The following IGF1R variants were observed in gnomAD, a reference collection of about 807,000 sequenced individuals.
The protein encoded by IGF1R is insulin-like growth factor 1 receptor.
In IGF1R, 44 loss-of-function variants were observed where a neutral mutation model predicts 144.6. The observed-to-expected ratio is 0.30, with a 90% CI of 0.24 to 0.39. IGF1R has a LOEUF of 0.39. IGF1R is among the 10% of genes least tolerant of loss of function. The probability of loss-of-function intolerance (pLI) is 1.00; values close to 1 mark genes in which losing one functional copy is unlikely to be tolerated. For synonymous variants in IGF1R, 795 were observed against 722.8 expected (o/e 1.10, Z -1.60); for missense variants, 1,355 against 1,833.7 (o/e 0.74, Z 4.77).
intron 2 of IGF1R, among the ~76,000 whole-genome samples, chr15:98,723,127 G>A (rs1010788395): frequency 4.6e-5 from 7 of 151,542 alleles, no homozygotes; most frequent in African/African-American, 9.7e-5. Flanking sequence ...AACGTCTCAC[G>A]CTAGAATGAG....
chr15:98,857,226 A>T (rs756975212), intron 2 of IGF1R, among the ~76,000 whole-genome samples: 4 of 151,962 alleles, frequency 2.6e-5, no homozygotes, highest in Admixed American at 6.6e-5. Flanking sequence ...TTATTTATTT[A>T]TTTTTTAATT....
At chr15:98,695,648 A>C (rs886212108) in intron 1 of IGF1R, among the ~76,000 whole-genome samples, 1 of 152,148 alleles carries the variant, frequency 6.6e-6, no homozygotes, top group African/African-American at 2.4e-5. Context: ...GGCTTACACA[A>C]TCTCAGAAAT....
At chr15:98,908,923 C>T (rs541467281) in intron 6 of IGF1R, 24 bp downstream of exon 6, 19 of 1,596,474 alleles carry the variant, frequency 1.2e-5, no homozygotes, top group Middle Eastern at 1.7e-4. Context: ...TCCAAAACAC[C>T]GTGGGCCCAA....
intron 1 of IGF1R, among the ~76,000 whole-genome samples, chr15:98,652,811 T>C (rs148982544): frequency 0.014 from 2,138 of 152,244 alleles, 40 homozygotes; most frequent in African/African-American, 0.049. Context: ...TTTGGGGTGA[T>C]GAAAATTGTT....
intron 2 of IGF1R, among the ~76,000 whole-genome samples, chr15:98,817,319 TAATAA>T (rs1280369970): frequency 7.0e-6 from 1 of 143,092 alleles, no homozygotes; most frequent in African/African-American, 2.9e-5. Flanking sequence ...ATAATAATAA[TAATAA>T]TAATAATAAT....
chr15:98,921,110 A>C (rs1039533808), intron 10 of IGF1R, among the ~76,000 whole-genome samples: 3 of 152,070 alleles, frequency 2.0e-5, no homozygotes, highest in Non-Finnish European at 4.4e-5. Context: ...CCTTTTGCCT[A>C]TTCCTAAGAC....
intron 2 of IGF1R, among the ~76,000 whole-genome samples, chr15:98,719,564 A>G (rs2054199387): frequency 6.6e-6 from 1 of 152,234 alleles, no homozygotes; most frequent in Non-Finnish European, 1.5e-5. Flanking sequence ...TTCTGTTGAT[A>G]GGCGATTAAC....
intron 2 of IGF1R, among the ~76,000 whole-genome samples, chr15:98,875,376 G>T (rs2013012005): frequency 7.0e-6 from 1 of 143,220 alleles, no homozygotes; most frequent in Non-Finnish European, 1.5e-5. Flanking sequence ...AGGTGACTTG[G>T]CCAGTTTGGG....
chr15:98,833,359 C>G (rs889210945), intron 2 of IGF1R, among the ~76,000 whole-genome samples: 9 of 152,190 alleles, frequency 5.9e-5, no homozygotes, highest in Non-Finnish European at 5.9e-5. Flanking sequence ...CTGGTTTGGT[C>G]CAGCCTTAGA....
At chr15:98,765,067 G>A (rs141980386) in intron 2 of IGF1R, among the ~76,000 whole-genome samples, 2 of 152,194 alleles carry the variant, frequency 1.3e-5, no homozygotes, top group African/African-American at 2.4e-5. Context: ...TATATAATAT[G>A]TGACCTTTTG....
intron 1 of IGF1R, among the ~76,000 whole-genome samples, chr15:98,652,735 G>A (rs890510072): frequency 6.6e-6 from 1 of 152,204 alleles, no homozygotes; most frequent in Non-Finnish European, 1.5e-5. Context: ...GAAGGTAGAT[G>A]AGTGGTTGCC....
chr15:98,945,624 C>T (rs909628354), intron 19 of IGF1R, among the ~76,000 whole-genome samples: 4 of 152,098 alleles, frequency 2.6e-5, no homozygotes, highest in Non-Finnish European at 4.4e-5. Context: ...TTTCTCGGTG[C>T]TTCTGACTGG....
At chr15:98,742,535 A>G (rs2054770487) in intron 2 of IGF1R, among the ~76,000 whole-genome samples, 1 of 152,170 alleles carries the variant, frequency 6.6e-6, no homozygotes, top group African/African-American at 2.4e-5. Flanking sequence ...GATTAAAATA[A>G]TTCTGTAGAG....
chr15:98,675,826 C>CTTTTTTTTTTTTTTTTTTTT (rs869068918), intron 1 of IGF1R, among the ~76,000 whole-genome samples: 1 of 46,150 alleles, frequency 2.2e-5, no homozygotes, highest in African/African-American at 4.8e-5. Context: ...TTCTTTCTTT[C>CTTTTTTTTTTTTTTTTTTTT]TTTTTTTTTT....
At chr15:98,916,460 C>T in intron 9 of IGF1R, 1 of 602,332 alleles carries the variant, frequency 1.7e-6, no homozygotes, top group Non-Finnish European at 3.0e-6. Context: ...CGGGGTTTCA[C>T]CATGTTGCCC....
At chr15:98,878,603 A>G (rs1343086033) in intron 2 of IGF1R, among the ~76,000 whole-genome samples, 3 of 141,602 alleles carry the variant, frequency 2.1e-5, no homozygotes, top group African/African-American at 7.8e-5. Context: ...GTACTGGGGA[A>G]GAGTTGCAAA....
In IGF1R at chr15:98,963,318, C is replaced by T. The variant is rs2017301270; in HGVS notation, c.*5876C>T. Reference sequence around the variant, plus strand: ...TCCGTGGTTCACCCTCTTTTCCCCCCATGCTTTTTGCCCTAGTTTATAACA... The same window carrying T: ...TCCGTGGTTCACCCTCTTTTCCCCCTATGCTTTTTGCCCTAGTTTATAACA... On this transcript the variant is annotated 3_prime_UTR_variant, in exon 21 of 21. Coordinates refer to ENST00000650285, the MANE Select transcript of IGF1R (RefSeq NM_000875.5). 1.3e-5 allele frequency: 3 copies of T among 233,140 alleles called. No homozygotes were observed. Among genetic ancestry groups the T allele is most frequent in the Non-Finnish European group, 2.5e-5 (3 of 117,968 alleles). 14.4% of individuals were successfully genotyped at this position (233,140 alleles called of 1,614,324 possible).
intron 2 of IGF1R, among the ~76,000 whole-genome samples, chr15:98,890,989 G>A (rs1053439807): frequency 4.6e-5 from 7 of 152,116 alleles, no homozygotes; most frequent in Non-Finnish European, 7.4e-5. Flanking sequence ...GCTGACCCAC[G>A]CCTGAGGCAA....
chr15:98,951,526 G>A (rs186633431), intron 20 of IGF1R, among the ~76,000 whole-genome samples: 1 of 152,374 alleles, frequency 6.6e-6, no homozygotes, highest in East Asian at 1.9e-4. Context: ...ATCTCTCAGA[G>A]GTTTCTGAAG....
Sources: gnomAD v4.1 joint callset for allele counts (sites outside exome capture counted in the v4.1 genomes callset) on GRCh38, gnomAD v4.1.1 for gene constraint, MANE v1.5 for transcripts, NCBI Gene and HGNC (gene_info 2026-07-23, HGNC 2026-07-21) for gene names.